Variants in ASAP1 observed in about 807,000 individuals in gnomAD.
The protein encoded by ASAP1 is arf-GAP with SH3 domain, ANK repeat and PH domain-containing protein 1.
A neutral mutation model predicts 145.2 loss-of-function variants in ASAP1; 43 were observed. That is an observed-to-expected ratio of 0.30 (90% CI 0.23 to 0.38). The LOEUF is 0.38. Among genes scored for constraint, ASAP1 ranks in the 10% least tolerant of loss-of-function variants. ASAP1 has a pLI of 1.00. For missense variants in ASAP1, 1,018 were observed against 1,355.3 expected (o/e 0.75, Z 3.91); for synonymous variants, 546 against 515.5 (o/e 1.06, Z -0.80).
intron 15 of ASAP1, among the ~76,000 whole-genome samples, chr8:130,129,084 A>C (rs1384012180): frequency 5.3e-5 from 8 of 152,104 alleles, no homozygotes; most frequent in Non-Finnish European, 1.2e-4. Flanking sequence ...TGGTTTTATA[A>C]GGGGCTCTTC....
chr8:130,076,469 A>G, intron 26 of ASAP1, 63 bp from the exon 27 acceptor site: 2 of 1,153,426 alleles, frequency 1.7e-6, no homozygotes, highest in Non-Finnish European at 2.5e-6. Context: ...GCAAAATATT[A>G]TTCAAGTAAA....
rs1047234134 is a variant in ASAP1, at chr8:130,361,842, A to C, written c.60-3699T>G. 62 of 1,061,850 alleles carry C rather than the reference A, an allele frequency of 5.8e-5. No individual in the cohort carries two copies. The Middle Eastern group carries it at 5.9e-4, about 10-fold the overall frequency. 65.8% of individuals were successfully genotyped at this position (1,061,850 alleles called of 1,614,324 possible). On this transcript the variant is annotated intron_variant, in intron 2 of 29. Transcript: ENST00000518721. ...TTTCTTTGTGTGGAGCTGCCCCGAA[A>C]TATACACCATCCTCCCCAAAGCCAG...
rs182540365 is a variant in ASAP1, at chr8:130,108,218, A to G, written c.2401+3876T>C. On this transcript the variant is annotated intron_variant, in intron 24 of 29. Transcript: ENST00000518721. ...CTCTAAGGTAGGAAGTCTACATTAT[A>G]GCAAATGTGTATGAAATGAAGAATT... is the stretch of plus-strand genomic sequence containing the variant. Among the ~76,000 whole-genome samples the G allele has an allele frequency of 1.9e-4, 29 of 152,362 alleles. No homozygotes were observed. In the East Asian group the frequency reaches 4.0e-3, roughly 21 times the overall value.
At chr8:130,074,048 T>C (rs2097456187) in intron 27 of ASAP1, among the ~76,000 whole-genome samples, 1 of 152,008 alleles carries the variant, frequency 6.6e-6, no homozygotes, top group African/African-American at 2.4e-5. Context: ...CTAAGACACT[T>C]AGAGACAAAT....
chr8:130,325,815 T>C (rs1006140743), intron 3 of ASAP1, among the ~76,000 whole-genome samples: 19 of 152,210 alleles, frequency 1.2e-4, no homozygotes, highest in Non-Finnish European at 2.8e-4. Context: ...TCTTATATTG[T>C]GGATGACAAA....
intron 13 of ASAP1, 69 bp from the exon 14 acceptor site, chr8:130,137,107 G>T: frequency 1.6e-6 from 2 of 1,266,922 alleles, no homozygotes; most frequent in African/African-American, 1.5e-5. Flanking sequence ...TCAGTGCCCT[G>T]TAGGGCAGGT....
chr8:130,250,109 T>A (rs867733107), intron 3 of ASAP1, among the ~76,000 whole-genome samples: 13 of 152,166 alleles, frequency 8.5e-5, no homozygotes, highest in African/African-American at 3.1e-4. Flanking sequence ...ATTAAAAAGA[T>A]AGGCCATAGT....
At chr8:130,154,857 A>T (rs954139381) in intron 12 of ASAP1, among the ~76,000 whole-genome samples, 8 of 152,220 alleles carry the variant, frequency 5.3e-5, no homozygotes, top group Non-Finnish European at 1.0e-4. Flanking sequence ...ACCATCCTCA[A>T]ATAAGAGCTA....
chr8:130,181,205 G>A (rs920293607), intron 7 of ASAP1, among the ~76,000 whole-genome samples: 3 of 152,126 alleles, frequency 2.0e-5, no homozygotes, highest in Admixed American at 6.5e-5. Context: ...TTCTTAAGTT[G>A]GTAGAATCAA....
intron 24 of ASAP1, among the ~76,000 whole-genome samples, chr8:130,093,839 C>T (rs569802511): frequency 2.3e-4 from 35 of 151,810 alleles, no homozygotes; most frequent in Non-Finnish European, 3.7e-4. Context: ...ACAAAGTAAG[C>T]TTTCCTATTT....
At chr8:130,417,551 G>A (rs903514713) in intron 1 of ASAP1, among the ~76,000 whole-genome samples, 2 of 151,336 alleles carry the variant, frequency 1.3e-5, no homozygotes, top group Non-Finnish European at 2.9e-5. Flanking sequence ...TGGAGGGTCC[G>A]AATTTGCAGA....
intron 3 of ASAP1, among the ~76,000 whole-genome samples, chr8:130,344,838 A>T (rs937715706): frequency 6.6e-6 from 1 of 152,210 alleles, no homozygotes; most frequent in Non-Finnish European, 1.5e-5. Context: ...AACAGACTAT[A>T]AAAGGTATGG....
chr8:130,223,907 T>A (rs1817440036), intron 4 of ASAP1, among the ~76,000 whole-genome samples: 2 of 152,180 alleles, frequency 1.3e-5, no homozygotes, highest in South Asian at 4.1e-4. Context: ...AGAGGATAGC[T>A]GGGATACACG....
At chr8:130,404,528 A>G (rs1280657052) in intron 1 of ASAP1, among the ~76,000 whole-genome samples, 2 of 152,232 alleles carry the variant, frequency 1.3e-5, no homozygotes, top group East Asian at 3.8e-4. Flanking sequence ...CACGCTTATG[A>G]AAAATAAGTA....
chr8:130,222,294 C>G (rs543426449), intron 4 of ASAP1, among the ~76,000 whole-genome samples: 1 of 152,324 alleles, frequency 6.6e-6, no homozygotes, highest in South Asian at 2.1e-4. Flanking sequence ...GGGCAATATT[C>G]ACAAAACCTC....
intron 27 of ASAP1, among the ~76,000 whole-genome samples, chr8:130,064,755 G>A (rs780474528): frequency 2.0e-5 from 3 of 152,132 alleles, no homozygotes; most frequent in Non-Finnish European, 2.9e-5. Flanking sequence ...CTGTCCAGTC[G>A]CAAGCCCAGG....
chr8:130,155,155 CATT>C (rs2097655675), intron 12 of ASAP1, among the ~76,000 whole-genome samples: 1 of 152,154 alleles, frequency 6.6e-6, no homozygotes, highest in East Asian at 1.9e-4. Context: ...AGTCTTTACT[CATT>C]AGTTTTACTT....
At chr8:130,323,555 G>A (rs185232774) in intron 3 of ASAP1, among the ~76,000 whole-genome samples, 1 of 152,274 alleles carries the variant, frequency 6.6e-6, no homozygotes, top group East Asian at 1.9e-4. Flanking sequence ...ATCTGCAGAA[G>A]AGCTGAAAGT....
intron 4 of ASAP1, among the ~76,000 whole-genome samples, chr8:130,225,444 T>A (rs935852033): frequency 2.0e-5 from 3 of 152,256 alleles, no homozygotes; most frequent in African/African-American, 7.2e-5. Flanking sequence ...TTAAACTTTT[T>A]AAAGTTTTAT....
Sources: allele counts gnomAD v4.1 joint callset (sites outside exome capture counted in the v4.1 genomes callset), GRCh38; gene constraint gnomAD v4.1.1; transcripts MANE v1.5; gene names NCBI Gene and HGNC (gene_info 2026-07-23, HGNC 2026-07-21).